Variants in ARSG observed in about 807,000 individuals in gnomAD.
The protein encoded by ARSG is arylsulfatase G.
In ARSG, 37 loss-of-function variants were observed where a neutral mutation model predicts 50.5. The ratio of observed to expected loss-of-function variants is 0.73; its 90% CI spans 0.56 to 0.96. The LOEUF is 0.96. Ranked by LOEUF, ARSG falls within the 50% of genes least tolerant of loss-of-function variation. The pLI is 0.00. For synonymous variants in ARSG, 225 were observed against 254.6 expected, an observed-to-expected ratio of 0.88 and a Z score of 1.11; for missense variants, 629 against 675.3, an observed-to-expected ratio of 0.93 and a Z score of 0.76.
At chr17:68,395,628 G>A (rs1487330629) in intron 10 of ARSG, among the ~76,000 whole-genome samples, 1 of 152,174 alleles carries the variant, frequency 6.6e-6, no homozygotes, top group African/African-American at 2.4e-5. Context: ...TAACAGTTTG[G>A]CTTAGGGTGG....
chr17:68,379,626 A>G (rs2080333292), intron 8 of ARSG, among the ~76,000 whole-genome samples: 1 of 151,930 alleles, frequency 6.6e-6, no homozygotes, highest in South Asian at 2.1e-4. Context: ...TCCTCAGAAC[A>G]GGCACTCTAC....
At chr17:68,437,973 AGTGACTGGCGTCTATTAC>A in the ARSG span, among the ~76,000 whole-genome samples, 1 of 139,850 alleles carries the variant, frequency 7.2e-6, no homozygotes, top group Non-Finnish European at 1.5e-5. Context: ...AAAAAAAAAA[AGTGACTGGCGTCTATTAC>A]AAGTTAGTAT....
chr17:68,318,817 C>T lies in ARSG; in HGVS notation c.218+11106C>T, dbSNP rs138183617. 4.6e-5 allele frequency among the ~76,000 whole-genome samples: 7 copies of T among 152,298 alleles called. No individual in the cohort carries two copies. The East Asian group carries it at 1.2e-3, about 25-fold the overall frequency. On this transcript the variant is annotated intron_variant, in intron 2 of 11. Transcript: ENST00000621439. ...CGGAATCAAAGATCAATATTTGCCA[C>T]AGGAAGGTCAGGGGCTCCCAGGGAC...
At chr17:68,351,293 C>T (rs1047162912) in intron 4 of ARSG, among the ~76,000 whole-genome samples, 4 of 151,290 alleles carry the variant, frequency 2.6e-5, no homozygotes, top group Admixed American at 2.0e-4. Flanking sequence ...TCCATAATTT[C>T]GTTGAAGATG....
intron 2 of ARSG, among the ~76,000 whole-genome samples, chr17:68,313,766 G>A (rs1483509904): frequency 1.4e-5 from 2 of 144,280 alleles, no homozygotes; most frequent in African/African-American, 5.1e-5. Flanking sequence ...TGCAACCTCC[G>A]CCTCCGGGTT....
intron 6 of ARSG, among the ~76,000 whole-genome samples, chr17:68,357,528 C>G (rs2079086461): frequency 6.6e-6 from 1 of 152,208 alleles, no homozygotes; most frequent in African/African-American, 2.4e-5. Context: ...CCTCAAGACC[C>G]TTAACATAAT....
At chr17:68,293,274 T>C (rs7221084) in intron 1 of ARSG, among the ~76,000 whole-genome samples, 4,561 of 152,290 alleles carry the variant, frequency 0.03, 236 homozygotes, top group African/African-American at 0.1. Context: ...TCATGTGCAA[T>C]ATGACAGCAT....
chr17:68,347,208 C>A, intron 4 of ARSG, 36 bp downstream of exon 4: 1 of 1,603,428 alleles, frequency 6.2e-7, no homozygotes, highest in Non-Finnish European at 8.5e-7. Flanking sequence ...ACCTGGGAAA[C>A]AGAAAATAAA....
intron 6 of ARSG, among the ~76,000 whole-genome samples, chr17:68,357,568 C>T (rs2079088154): frequency 6.6e-6 from 1 of 152,224 alleles, no homozygotes; most frequent in Admixed American, 6.5e-5. Context: ...TTGCCATATA[C>T]CGTAACATTC....
chr17:68,273,774 G>T, intron 1 of ARSG: 1 of 870,532 alleles, frequency 1.1e-6, no homozygotes, highest in Non-Finnish European at 1.7e-6. Flanking sequence ...AGTCCATATA[G>T]CTCAGTTCAA....
chr17:68,281,374 C>T (rs1555752763), intron 1 of ARSG, among the ~76,000 whole-genome samples: 1 of 152,004 alleles, frequency 6.6e-6, no homozygotes, highest in African/African-American at 2.4e-5. Flanking sequence ...CGAGACCATC[C>T]TGGCCAACAT....
chr17:68,323,725 G>A (rs529838909), intron 2 of ARSG, among the ~76,000 whole-genome samples: 2 of 152,280 alleles, frequency 1.3e-5, no homozygotes, highest in Admixed American at 1.3e-4. Context: ...ATGGAACCAG[G>A]CAAGAGGAAA....
intron 1 of ARSG, among the ~76,000 whole-genome samples, chr17:68,262,976 A>G (rs1365434495): frequency 3.9e-5 from 6 of 152,188 alleles, no homozygotes; most frequent in Non-Finnish European, 7.3e-5. Flanking sequence ...GTTGAATTCT[A>G]GGGTGTATAA....
intron 4 of ARSG, among the ~76,000 whole-genome samples, chr17:68,350,656 GTGCC>G (rs1568503504): frequency 6.6e-6 from 1 of 152,048 alleles, no homozygotes; most frequent in South Asian, 2.1e-4. Context: ...GTGGTGGCAC[GTGCC>G]TGTAGTCCCA....
upstream of ARSG, among the ~76,000 whole-genome samples, chr17:68,287,941 TTCTCTCTCTCTTTC>T (rs1196892472): frequency 6.6e-6 from 1 of 151,116 alleles, no homozygotes; most frequent in Non-Finnish European, 1.5e-5. Flanking sequence ...TCTTCTTCTC[TTCTCTCTCTCTTTC>T]TCTCTCTCTC....
At chr17:68,302,702 G>T (rs1218610163) in intron 1 of ARSG, among the ~76,000 whole-genome samples, 1 of 152,172 alleles carries the variant, frequency 6.6e-6, no homozygotes, top group Non-Finnish European at 1.5e-5. Flanking sequence ...GGGGGTCGTG[G>T]AGAAGAATAG....
intron 1 of ARSG, among the ~76,000 whole-genome samples, chr17:68,280,179 CAAAAAA>C (rs58937538): frequency 3.4e-5 from 3 of 87,566 alleles, no homozygotes; most frequent in African/African-American, 8.2e-5. Flanking sequence ...AACTCTGTCT[CAAAAAA>C]AAAAAAAAAA....
chr17:68,450,589 G>T, the ARSG span: 1 of 1,161,692 alleles, frequency 8.6e-7, no homozygotes, highest in Non-Finnish European at 1.2e-6. Flanking sequence ...CAATACCCCC[G>T]GGACACGGGG....
chr17:68,385,320 G>A (rs951456758), intron 9 of ARSG, 148 bp downstream of exon 9: 5 of 649,588 alleles, frequency 7.7e-6, no homozygotes, highest in Non-Finnish European at 8.2e-6. Flanking sequence ...TGCCTTTGCC[G>A]GGTGTTCCCA....
Sources: gnomAD v4.1 joint callset for allele counts (sites outside exome capture counted in the v4.1 genomes callset) on GRCh38, gnomAD v4.1.1 for gene constraint, MANE v1.5 for transcripts, NCBI Gene and HGNC (gene_info 2026-07-23, HGNC 2026-07-21) for gene names.